Variants in RAB4A observed in about 807,000 individuals in gnomAD.
The protein encoded by RAB4A is RAB4A, member RAS oncogene family, also known as ras-related protein Rab-4A.
RAB4A carries 20 observed loss-of-function variants against 34.5 expected under a neutral mutation model. That is an observed-to-expected ratio of 0.58 (90% CI 0.41 to 0.84). RAB4A has a LOEUF of 0.84. Ranked by LOEUF, RAB4A falls within the 40% of genes least tolerant of loss-of-function variation. The probability of loss-of-function intolerance (pLI) is 0.00; values close to 1 mark genes in which losing one functional copy is unlikely to be tolerated. For synonymous variants in RAB4A, 102 were observed against 100.0 expected, an observed-to-expected ratio of 1.02 and a Z score of -0.12; for missense variants, 228 against 274.5, an observed-to-expected ratio of 0.83 and a Z score of 1.20.
chr1:229,300,307 T>C (rs921368403), intron 6 of RAB4A, among the ~76,000 whole-genome samples: 2 of 152,206 alleles, frequency 1.3e-5, no homozygotes, highest in Non-Finnish European at 2.9e-5. Context: ...AAGTCATGTA[T>C]GTAGGAGGTT....
At chr1:229,284,094 GTTTTTTTTTTTTTT>G (rs773213321) in intron 1 of RAB4A, among the ~76,000 whole-genome samples, 3 of 45,920 alleles carry the variant, frequency 6.5e-5, no homozygotes, top group Non-Finnish European at 1.1e-4. Flanking sequence ...GTGTTGTTTG[GTTTTTTTTTTTTTT>G]TTTTTTTTTT....
intron 3 of RAB4A, among the ~76,000 whole-genome samples, chr1:229,292,034 A>G (rs1314507289): frequency 1.6e-5 from 2 of 125,726 alleles, no homozygotes; most frequent in Non-Finnish European, 3.2e-5. Flanking sequence ...ACATGGACAC[A>G]GGAAGGGGAA....
In RAB4A at chr1:229,298,987, T is replaced by A; in HGVS notation, c.456T>A (p.Phe152Leu). 6.2e-7 allele frequency: 1 copy of A among 1,608,716 alleles called. No individual in the cohort carries two copies. The highest frequency in any genetic ancestry group is 2.2e-5 in the East Asian group (1 of 44,842). ...SRFAQENELM[F>L]LETSALTGEN... ...TGATGTCCATTTTAGAGCTGATGTT[T>A]TTGGAAACAAGTGCGCTCACAGGGG... The change falls in exon 6 of 8, where the codon TTT becomes TTA. Residue 152 changes from phenylalanine to leucine, a missense_variant. Coordinates refer to ENST00000366690, the MANE Select transcript of RAB4A (RefSeq NM_004578.4).
chr1:229,299,021 G>C lies in RAB4A; in HGVS notation c.490G>C (p.Glu164Gln), dbSNP rs1424856330. ...AAGTGCGCTCACAGGGGAGAATGTA[G>C]AAGAGGCTTTTGTACAGTGTGCAAG... ...ETSALTGENV[E>Q]EAFVQCARKI... Residue 164 changes from glutamate (E) to glutamine (Q), a missense_variant, in exon 6 of 8, where the codon GAA becomes CAA. Physicochemically the swap from Glu to Gln is conservative, Grantham distance 29. Coordinates refer to ENST00000366690, the MANE Select transcript of RAB4A (RefSeq NM_004578.4). 4 of 1,611,310 alleles carry C rather than the reference G, an allele frequency of 2.5e-6. No individual in the cohort carries two copies. The East Asian group carries it at 6.7e-5, about 27-fold the overall frequency.
At position 229,297,592 on chromosome 1, in the gene RAB4A, G is replaced by A. The variant is rs370982346; in HGVS notation, c.401G>A (p.Arg134His). 22 of 1,611,364 alleles carry A rather than the reference G, an allele frequency of 1.4e-5. No homozygotes were observed. The highest frequency in any genetic ancestry group is 1.1e-4 in the African/African-American group (8 of 74,876). ...AACAAGAAGGACCTGGATGCAGATC[G>A]TGAAGTTACCTTCTTAGAAGCCTCC... is the stretch of plus-strand genomic sequence containing the variant. The part of the protein sequence containing the change: ...CGNKKDLDAD[R>H]EVTFLEASRF... Residue 134 changes from arginine to histidine, a missense_variant, in exon 5 of 8, where the codon CGT becomes CAT. Arg to His is a conservative substitution (Grantham distance 29). Transcript: ENST00000366690.
intron 1 of RAB4A, among the ~76,000 whole-genome samples, chr1:229,272,631 T>C (rs1302013840): frequency 6.6e-6 from 1 of 152,106 alleles, no homozygotes; most frequent in Non-Finnish European, 1.5e-5. Context: ...ACGCAGAACA[T>C]CTCAGGCCTG....
Position 229,302,933 on chromosome 1 carries a change from C to T in RAB4A, c.613C>T (p.Pro205Ser). 1 of 1,613,960 alleles carries T rather than the reference C, an allele frequency of 6.2e-7. No individual in the cohort carries two copies. Among genetic ancestry groups the T allele is most frequent in the Non-Finnish European group, 8.5e-7 (1 of 1,179,918 alleles). Reference protein sequence around the residue: ...GDAALRQLRSPRRAQAPNAQE... With the variant: ...GDAALRQLRSSRRAQAPNAQE... Reference sequence around the variant, plus strand: ...TGCTGCCTTGAGACAGCTGAGGTCACCGCGGCGCGCACAGGCCCCGAACGC... The same window carrying T: ...TGCTGCCTTGAGACAGCTGAGGTCATCGCGGCGCGCACAGGCCCCGAACGC... Residue 205 changes from proline (P) to serine (S), a missense_variant, in exon 7 of 8, where the codon CCG (proline) becomes TCG (serine). Pro to Ser is a moderately conservative substitution (Grantham distance 74). Coordinates refer to ENST00000366690, the MANE Select transcript of RAB4A (RefSeq NM_004578.4).
chr1:229,286,548 C>T lies in RAB4A; in HGVS notation c.94C>T (p.Gln32Ter). 6.4e-7 allele frequency: 1 copy of T among 1,571,590 alleles called. No homozygotes were observed. The highest frequency in any genetic ancestry group is 8.6e-7 in the Non-Finnish European group (1 of 1,158,596). Reference protein sequence around the residue: ...AGTGKSCLLHQFIEKKFKDDS... With the variant: ...AGTGKSCLLH ...AACTGGCAAATCTTGCTTACTTCAT[C>T]AGTTTATTGAAAAAAAATGTAAGTG... is the stretch of plus-strand genomic sequence containing the variant. The change falls in exon 2 of 8, where the codon CAG becomes TAG. Residue 32 changes from glutamine (Q) to a stop codon, truncating the protein, a stop_gained. Transcript: ENST00000366690. LOFTEE classifies it high-confidence loss of function.
At chr1:229,283,695 A>T (rs2102840202) in intron 1 of RAB4A, among the ~76,000 whole-genome samples, 1 of 151,234 alleles carries the variant, frequency 6.6e-6, no homozygotes, top group African/African-American at 2.4e-5. Flanking sequence ...AATCTCTGGT[A>T]CACTGGCCTT....
rs1220337957 is a variant in RAB4A, at chr1:229,288,714, G to T, written c.113-15G>T. On this transcript the variant is annotated splice_polypyrimidine_tract_variant and intron_variant, in intron 2 of 7. Coordinates refer to ENST00000366690, the MANE Select transcript of RAB4A (RefSeq NM_004578.4). ...TTCTAAAATTAAATATGCTGTTCTTGTTTTTCTTTTTTAGTCAAAGATGAC... is the reference window on the plus strand; with the variant it reads ...TTCTAAAATTAAATATGCTGTTCTTTTTTTTCTTTTTTAGTCAAAGATGAC... 37 of 1,326,862 alleles carry T rather than the reference G, an allele frequency of 2.8e-5. No homozygotes were observed. Among genetic ancestry groups the T allele is most frequent in the Non-Finnish European group, 3.7e-5 (35 of 935,614 alleles). The allele number at this position is 1,326,862 out of a possible 1,614,324, so 82.2% of individuals were successfully genotyped here.
chr1:229,287,667 A>G lies in RAB4A; in HGVS notation c.113-1062A>G, dbSNP rs185575493. Among the ~76,000 whole-genome samples, 10 of 151,854 alleles carry G rather than the reference A, an allele frequency of 6.6e-5. No individual in the cohort carries two copies. In the East Asian group the frequency reaches 1.4e-3, roughly 21 times the overall value. ...AGGATGCCCCTGGCCTTTAGTTACT[A>G]TTTTTTTTAAGGATCTTACCCTGCA... On this transcript the variant is annotated intron_variant, in intron 2 of 7. Coordinates refer to ENST00000366690, the MANE Select transcript of RAB4A (RefSeq NM_004578.4).
intron 1 of RAB4A, among the ~76,000 whole-genome samples, chr1:229,273,943 C>T (rs1656570741): frequency 6.6e-6 from 1 of 152,058 alleles, no homozygotes; most frequent in African/African-American, 2.4e-5. Context: ...GTTTGCCTAA[C>T]CTTTAAACTC....
At chr1:229,298,514 G>T (rs1463081324) in intron 5 of RAB4A, among the ~76,000 whole-genome samples, 1 of 152,236 alleles carries the variant, frequency 6.6e-6, no homozygotes, top group Non-Finnish European at 1.5e-5. Flanking sequence ...GGTAGAAAGA[G>T]TATTAATTCC....
Position 229,294,310 on chromosome 1 carries a change from C to T in RAB4A, c.228-1538C>T, listed in dbSNP as rs558185657. On this transcript the variant is annotated intron_variant, in intron 3 of 7. Coordinates refer to ENST00000366690, the MANE Select transcript of RAB4A (RefSeq NM_004578.4). Reference sequence around the variant, plus strand: ...ACCCAGCTCTGGGGAATCGCAATCCCAGCAGGGCAGATTCAGAAGAATGAC... The same window carrying T: ...ACCCAGCTCTGGGGAATCGCAATCCTAGCAGGGCAGATTCAGAAGAATGAC... Among the ~76,000 whole-genome samples, 5 of 152,318 alleles carry T rather than the reference C, an allele frequency of 3.3e-5. No homozygotes were observed. The South Asian group carries it at 1.0e-3, about 32-fold the overall frequency.
chr1:229,298,222 C>T (rs1241780037), intron 5 of RAB4A, among the ~76,000 whole-genome samples: 1 of 152,104 alleles, frequency 6.6e-6, no homozygotes, highest in East Asian at 1.9e-4. Context: ...AAACTAGAAT[C>T]CTAATATCAA....
At chr1:229,293,167 G>A (rs1657139303) in intron 3 of RAB4A, among the ~76,000 whole-genome samples, 1 of 152,224 alleles carries the variant, frequency 6.6e-6, no homozygotes, top group Non-Finnish European at 1.5e-5. Context: ...AGGAGACGAG[G>A]TATGGGGATG....
At chr1:229,296,844 A>G (rs1016045135) in intron 4 of RAB4A, among the ~76,000 whole-genome samples, 1 of 152,250 alleles carries the variant, frequency 6.6e-6, no homozygotes, top group African/African-American at 2.4e-5. Context: ...GAAGTCATCA[A>G]TCAGGCTAGC....
intron 6 of RAB4A, among the ~76,000 whole-genome samples, chr1:229,301,354 G>A (rs958502230): frequency 6.6e-6 from 1 of 152,082 alleles, no homozygotes; most frequent in South Asian, 2.1e-4. Context: ...AAGTAGGAGG[G>A]AGGAGAGTCG....
intron 3 of RAB4A, among the ~76,000 whole-genome samples, chr1:229,294,900 T>G (rs1407807700): frequency 2.6e-5 from 4 of 152,028 alleles, no homozygotes; most frequent in Non-Finnish European, 5.9e-5. Context: ...AGCATATTTC[T>G]GTTTTGTGTT....
Sources: gnomAD v4.1 joint callset for allele counts (sites outside exome capture counted in the v4.1 genomes callset) on GRCh38, gnomAD v4.1.1 for gene constraint, MANE v1.5 for transcripts, NCBI Gene and HGNC (gene_info 2026-07-23, HGNC 2026-07-21) for gene names.